LCMT1: variants seen among roughly 807,000 people sequenced by gnomAD.
The protein encoded by LCMT1 is leucine carboxyl methyltransferase 1.
LCMT1 carries 32 observed loss-of-function variants against 47.7 expected under a neutral mutation model. The ratio of observed to expected loss-of-function variants is 0.67; its 90% CI spans 0.51 to 0.90. The LOEUF (loss-of-function observed/expected upper bound fraction) is 0.90. Among genes scored for constraint, LCMT1 ranks in the 40% least tolerant of loss-of-function variants. The pLI, the probability that LCMT1 is intolerant of heterozygous loss-of-function variation, is 0.00. For missense variants in LCMT1, 375 were observed against 415.2 expected, an observed-to-expected ratio of 0.90 and a Z score of 0.84; for synonymous variants, 152 against 149.7, an observed-to-expected ratio of 1.02 and a Z score of -0.11.
intron 9 of LCMT1, among the ~76,000 whole-genome samples, chr16:25,172,464 A>G (rs762599830): frequency 2.6e-5 from 4 of 152,254 alleles, no homozygotes; most frequent in African/African-American, 4.8e-5. Flanking sequence ...GTTATAAACA[A>G]CACTGGAGAG....
intron 3 of LCMT1, among the ~76,000 whole-genome samples, chr16:25,137,038 A>G (rs565219656): frequency 1.3e-5 from 2 of 152,308 alleles, no homozygotes; most frequent in Admixed American, 1.3e-4. Context: ...ATTTTAGGTG[A>G]TCCTTAACTT....
intron 1 of LCMT1, among the ~76,000 whole-genome samples, chr16:25,128,200 A>G (rs978365738): frequency 2.6e-5 from 4 of 152,206 alleles, no homozygotes; most frequent in Admixed American, 6.5e-5. Context: ...GCTATTTGCT[A>G]TGTAGGGTCC....
At chr16:25,164,073 T>C (rs935654413) in intron 6 of LCMT1, among the ~76,000 whole-genome samples, 3 of 152,100 alleles carry the variant, frequency 2.0e-5, no homozygotes, top group Admixed American at 2.0e-4. Flanking sequence ...CTTCCACAGG[T>C]CTTCTCCCCC....
chr16:25,149,932 AAGT>A (rs1480820925), intron 4 of LCMT1, among the ~76,000 whole-genome samples: 1 of 151,578 alleles, frequency 6.6e-6, no homozygotes, highest in Non-Finnish European at 1.5e-5. Context: ...AAAAAAAAAA[AAGT>A]AGGTTACCTG....
chr16:25,126,233 T>C (rs1355348371), intron 1 of LCMT1: 3 of 1,135,332 alleles, frequency 2.6e-6, no homozygotes, highest in Non-Finnish European at 3.4e-6. Flanking sequence ...TGTGCACCAC[T>C]GTGACCACGG....
At chr16:25,120,380 C>T (rs370483614) in intron 1 of LCMT1, among the ~76,000 whole-genome samples, 23 of 150,436 alleles carry the variant, frequency 1.5e-4, no homozygotes, top group African/African-American at 4.6e-4. Flanking sequence ...TGCGCCACCA[C>T]GCCCAGCTAA....
intron 1 of LCMT1, among the ~76,000 whole-genome samples, chr16:25,117,437 C>G (rs930025920): frequency 1.3e-5 from 2 of 152,202 alleles, no homozygotes; most frequent in Non-Finnish European, 2.9e-5. Flanking sequence ...CTGGACATCT[C>G]CACTTGGATG....
chr16:25,161,121 A>G lies in LCMT1; in HGVS notation c.486A>G (p.Ser162=), dbSNP rs1961420147. 1 of 1,608,782 alleles carries G rather than the reference A, an allele frequency of 6.2e-7. No individual in the cohort carries two copies. The highest frequency in any genetic ancestry group is 8.5e-7 in the Non-Finnish European group (1 of 1,177,036). Residue 162 remains serine, a synonymous_variant, in exon 6 of 11, where the codon TCA becomes TCG. Transcript: ENST00000399069. ...TLQMDGHILD[S]KRYAVIGADL... ...TTGCAGATGGACACATACTGGATTC[A>G]AAGAGATATGCCGTTATTGGAGCAG...
intron 2 of LCMT1, among the ~76,000 whole-genome samples, chr16:25,128,770 A>G (rs1960265160): frequency 6.6e-6 from 1 of 151,208 alleles, no homozygotes; most frequent in Non-Finnish European, 1.5e-5. Context: ...AGGGACATGG[A>G]TGAAGCTGGA....
intron 3 of LCMT1, among the ~76,000 whole-genome samples, chr16:25,138,156 G>C (rs991285606): frequency 1.3e-5 from 2 of 152,228 alleles, no homozygotes; most frequent in African/African-American, 4.8e-5. Context: ...CTGTATTTCT[G>C]GGATAAGTGG....
chr16:25,140,282 C>A (rs1044361052), intron 4 of LCMT1, 35 bp downstream of exon 4: 12 of 1,459,860 alleles, frequency 8.2e-6, no homozygotes, highest in African/African-American at 2.8e-5. Context: ...CAAAAGCCAG[C>A]GAGAATTCAG....
chr16:25,130,061 C>T (rs1960303713), intron 2 of LCMT1, among the ~76,000 whole-genome samples: 1 of 152,164 alleles, frequency 6.6e-6, no homozygotes, highest in Admixed American at 6.5e-5. Flanking sequence ...TTCAACAGGG[C>T]TGGACGTGAT....
chr16:25,132,607 A>G, intron 3 of LCMT1, 84 bp downstream of exon 3: 1 of 1,451,994 alleles, frequency 6.9e-7, no homozygotes, highest in African/African-American at 1.4e-5. Context: ...GTAAACATAT[A>G]TTAAAAGTTA....
chr16:25,147,968 G>C (rs1434028475), intron 4 of LCMT1: 1 of 152,210 alleles, frequency 6.6e-6, no homozygotes, highest in African/African-American at 2.4e-5. Flanking sequence ...ATACATCCCA[G>C]GTGTGAGTCT....
chr16:25,115,013 G>A (rs761319861), intron 1 of LCMT1, among the ~76,000 whole-genome samples: 21 of 152,202 alleles, frequency 1.4e-4, no homozygotes, highest in Non-Finnish European at 2.9e-4. Flanking sequence ...TATGCACGAG[G>A]CACTCACTTT....
chr16:25,123,223 C>CTTTTTTTTT (rs750991801), intron 1 of LCMT1, among the ~76,000 whole-genome samples: 41 of 116,170 alleles, frequency 3.5e-4, no homozygotes, highest in African/African-American at 1.3e-3. Context: ...TATATAACTT[C>CTTTTTTTTT]TTTTTTTTTT....
chr16:25,123,600 C>CTTTTTTTTTTT (rs1173228613), intron 1 of LCMT1, among the ~76,000 whole-genome samples: 1 of 63,486 alleles, frequency 1.6e-5, no homozygotes, highest in Non-Finnish European at 2.7e-5. Context: ...AAATTGCTTT[C>CTTTTTTTTTTT]TTTTTTTTTT....
chr16:25,120,316 C>T (rs1364278918), intron 1 of LCMT1, among the ~76,000 whole-genome samples: 3 of 151,308 alleles, frequency 2.0e-5, no homozygotes, highest in Admixed American at 6.6e-5. Flanking sequence ...CTCCGCCTCC[C>T]GGGTTCAAGT....
At chr16:25,166,269 CAA>C (rs371727353) in intron 7 of LCMT1, among the ~76,000 whole-genome samples, 22 of 96,290 alleles carry the variant, frequency 2.3e-4, no homozygotes, top group Admixed American at 2.1e-4. Context: ...GACGCCATCT[CAA>C]AAAAAAAAAA....
Sources: allele counts gnomAD v4.1 joint callset (sites outside exome capture counted in the v4.1 genomes callset), GRCh38; gene constraint gnomAD v4.1.1; transcripts MANE v1.5; gene names NCBI Gene and HGNC (gene_info 2026-07-23, HGNC 2026-07-21).